Variants in TRIO observed in about 807,000 individuals in gnomAD.
TRIO encodes trio Rho guanine nucleotide exchange factor, also known as triple functional domain protein.
In TRIO, 58 loss-of-function variants were observed where a neutral mutation model predicts 351.9. That is an observed-to-expected ratio of 0.16 (90% CI 0.13 to 0.21). TRIO has a LOEUF of 0.21. TRIO is among the 10% of genes least tolerant of loss of function. The pLI is 1.00. For missense variants in TRIO, 3,201 were observed against 4,027.8 expected (o/e 0.79, Z 5.56); for synonymous variants, 1,758 against 1,595.7 (o/e 1.10, Z -2.42).
chr5:14,415,446 GTGT>G (rs1749561929), intron 33 of TRIO, among the ~76,000 whole-genome samples: 1 of 152,146 alleles, frequency 6.6e-6, no homozygotes, highest in African/African-American at 2.4e-5. Context: ...CCTCATTGTT[GTGT>G]CCAGGGCGGG....
chr5:14,424,697 G>A (rs1268493435), intron 34 of TRIO, among the ~76,000 whole-genome samples: 1 of 152,186 alleles, frequency 6.6e-6, no homozygotes, highest in Non-Finnish European at 1.5e-5. Flanking sequence ...AAGAGAAGAC[G>A]CAGGGACTGT....
At chr5:14,150,623 C>G (rs184997641) in intron 1 of TRIO, among the ~76,000 whole-genome samples, 2 of 152,140 alleles carry the variant, frequency 1.3e-5, no homozygotes, top group East Asian at 3.9e-4. Flanking sequence ...GTATGAATGG[C>G]CAAAAAATAC....
intron 33 of TRIO, among the ~76,000 whole-genome samples, chr5:14,412,176 T>C (rs1749261989): frequency 6.6e-6 from 1 of 151,932 alleles, no homozygotes; most frequent in Non-Finnish European, 1.5e-5. Context: ...TTAGTAGAGA[T>C]GGGGTTTTGC....
At position 14,423,741 on chromosome 5, in the gene TRIO, TTGAC is replaced by T. The variant is rs148763577; in HGVS notation, c.5203+3724_5203+3727del. On this transcript the variant is annotated intron_variant, in intron 34 of 56. Coordinates refer to ENST00000344204, the MANE Select transcript of TRIO (RefSeq NM_007118.4). Reference sequence around the variant, plus strand: ...TCTGGAGTGCCTGGCATGAATCTTTTTGACTGATAGTGTTTTGAGGGTGGGACAG... The same window carrying T: ...TCTGGAGTGCCTGGCATGAATCTTTTTGATAGTGTTTTGAGGGTGGGACAG... Among the ~76,000 whole-genome samples, 138 of 152,154 alleles carry T rather than the reference TTGAC, an allele frequency of 9.1e-4. 2 individuals carry two copies. In the East Asian group the frequency reaches 0.022, roughly 24 times the overall value.
chr5:14,238,346 A>AT (rs915049418), intron 1 of TRIO, among the ~76,000 whole-genome samples: 2 of 152,212 alleles, frequency 1.3e-5, no homozygotes, highest in African/African-American at 4.8e-5. Context: ...ATTTTAAAAC[A>AT]TTTATACTGT....
At chr5:14,296,567 C>T (rs1342928371) in intron 6 of TRIO, among the ~76,000 whole-genome samples, 2 of 152,122 alleles carry the variant, frequency 1.3e-5, no homozygotes, top group Non-Finnish European at 2.9e-5. Flanking sequence ...AGAATATTTT[C>T]TGTTGGCACC....
chr5:14,270,634 A>G (rs1795926185), intron 1 of TRIO, among the ~76,000 whole-genome samples, 191 bp from the exon 2 acceptor site: 1 of 152,236 alleles, frequency 6.6e-6, no homozygotes, highest in African/African-American at 2.4e-5. Flanking sequence ...TGTGCAAATC[A>G]TTAAACATTA....
intron 11 of TRIO, among the ~76,000 whole-genome samples, chr5:14,348,548 GCA>G (rs756214105): frequency 6.6e-5 from 10 of 152,334 alleles, no homozygotes; most frequent in East Asian, 1.9e-4. Flanking sequence ...ATATGTGTGT[GCA>G]CACACATCAG....
At chr5:14,480,774 G>A (rs568429027) in intron 43 of TRIO, among the ~76,000 whole-genome samples, 2 of 152,248 alleles carry the variant, frequency 1.3e-5, no homozygotes, top group African/African-American at 4.8e-5. Flanking sequence ...TTGTGTTACT[G>A]AGAGAATAAT....
At chr5:14,412,189 T>C (rs1749262808) in intron 33 of TRIO, among the ~76,000 whole-genome samples, 1 of 152,154 alleles carries the variant, frequency 6.6e-6, no homozygotes, top group South Asian at 2.1e-4. Context: ...GGTTTTGCCA[T>C]GTTGGCCAGG....
chr5:14,307,737 C>T (rs536854912), intron 8 of TRIO, among the ~76,000 whole-genome samples: 3 of 152,348 alleles, frequency 2.0e-5, no homozygotes, highest in East Asian at 3.9e-4. Context: ...TCTCATCAGA[C>T]TTCTCACAGC....
chr5:14,154,860 A>G (rs746326816), intron 1 of TRIO, among the ~76,000 whole-genome samples: 5 of 152,330 alleles, frequency 3.3e-5, no homozygotes, highest in Middle Eastern at 3.4e-3. Flanking sequence ...AGTTTGCCCT[A>G]GGAGTTTCTA....
At chr5:14,450,809 C>G (rs1752796103) in intron 34 of TRIO, among the ~76,000 whole-genome samples, 1 of 152,294 alleles carries the variant, frequency 6.6e-6, no homozygotes, top group Non-Finnish European at 1.5e-5. Context: ...CCCTGGAACC[C>G]AGGTATGTGC....
chr5:14,190,162 T>G (rs1221690211), intron 1 of TRIO, among the ~76,000 whole-genome samples: 1 of 152,154 alleles, frequency 6.6e-6, no homozygotes. Context: ...AGTTTTTGAA[T>G]AGAGGGAGAG....
chr5:14,372,186 C>T lies in TRIO; in HGVS notation c.3217-2043C>T, dbSNP rs190317106. Among the ~76,000 whole-genome samples, 199 of 134,196 alleles carry T rather than the reference C, an allele frequency of 1.5e-3. 1 individual carries two copies. The highest frequency in any genetic ancestry group is 5.2e-3 in the African/African-American group (181 of 34,766). 88.0% of individuals were successfully genotyped at this position (134,196 alleles called of 152,430 possible). ...TGTAGATTTTTGTTAGGTTGTGAGC[C>T]TTGATCAGAGCTGGTTTGAAAGGCG... On this transcript the variant is annotated intron_variant, in intron 18 of 56. Coordinates refer to ENST00000344204, the MANE Select transcript of TRIO (RefSeq NM_007118.4).
chr5:14,180,478 A>G (rs1285589491), intron 1 of TRIO, among the ~76,000 whole-genome samples: 7 of 152,220 alleles, frequency 4.6e-5, no homozygotes, highest in Non-Finnish European at 1.0e-4. Flanking sequence ...CTTTGTAAGA[A>G]TCACATTTTT....
chr5:14,362,887 C>A (rs1337939824), intron 13 of TRIO, among the ~76,000 whole-genome samples: 4 of 151,934 alleles, frequency 2.6e-5, no homozygotes, highest in Admixed American at 6.6e-5. Context: ...TTTTATTATT[C>A]TTTCTGCATT....
At chr5:14,437,399 A>G (rs1751671281) in intron 34 of TRIO, among the ~76,000 whole-genome samples, 1 of 152,244 alleles carries the variant, frequency 6.6e-6, no homozygotes, top group Non-Finnish European at 1.5e-5. Context: ...AGCTGGGTTC[A>G]TTGGTTTCTG....
chr5:14,502,095 A>T (rs1325934657), intron 53 of TRIO, among the ~76,000 whole-genome samples: 1 of 152,170 alleles, frequency 6.6e-6, no homozygotes, highest in Admixed American at 6.5e-5. Context: ...TTAAGTAAAT[A>T]CTGTGGACTC....
Sources: allele counts gnomAD v4.1 joint callset (sites outside exome capture counted in the v4.1 genomes callset), GRCh38; gene constraint gnomAD v4.1.1; transcripts MANE v1.5; gene names NCBI Gene and HGNC (gene_info 2026-07-23, HGNC 2026-07-21).